Variants in TENM1 observed in about 807,000 individuals in gnomAD.
TENM1 encodes teneurin-1.
TENM1 carries 35 observed loss-of-function variants against 174.8 expected under a neutral mutation model. The ratio of observed to expected loss-of-function variants is 0.20; its 90% confidence interval spans 0.15 to 0.27. TENM1 has a LOEUF of 0.27. Ranked by LOEUF, TENM1 falls within the 10% of genes least tolerant of loss-of-function variation. The pLI is 1.00. For missense variants in TENM1, 1,633 were observed against 2,130.1 expected (o/e 0.77, Z 4.59); for synonymous variants, 781 against 798.7 (o/e 0.98, Z 0.37).
intron 20 of TENM1, among the ~76,000 whole-genome samples, chrX:124,489,066 A>G (rs977862972): frequency 3.6e-5 from 4 of 112,342 alleles, no homozygotes; most frequent in Admixed American, 1.9e-4. Flanking sequence ...ACTTTTCGTT[A>G]AGGATTTAGG....
chrX:124,964,503 G>A (rs755344492), upstream of TENM1, among the ~76,000 whole-genome samples: 12 of 111,448 alleles, frequency 1.1e-4, no homozygotes, highest in Admixed American at 8.6e-4. Flanking sequence ...TACAGCAACA[G>A]CAGGATCTAA....
the TENM1 span, among the ~76,000 whole-genome samples, chrX:125,151,304 A>G: frequency 8.9e-6 from 1 of 112,687 alleles, no homozygotes; most frequent in South Asian, 3.6e-4. Context: ...TGAGGTATTT[A>G]TCCAAAATAG....
chrX:125,136,627 G>A, the TENM1 span, among the ~76,000 whole-genome samples: 1 of 111,354 alleles, frequency 9.0e-6, no homozygotes, highest in East Asian at 2.8e-4. Context: ...CAGAAGTTGT[G>A]TTTGTTTCAG....
At chrX:124,856,024 G>A (rs928987454) in intron 3 of TENM1, among the ~76,000 whole-genome samples, 2 of 109,909 alleles carry the variant, frequency 1.8e-5, no homozygotes, top group African/African-American at 6.6e-5. Flanking sequence ...ACGGTGGTGG[G>A]AGTTTCAGTT....
intron 1 of TENM1, among the ~76,000 whole-genome samples, chrX:124,911,862 T>A (rs767888023): frequency 8.9e-6 from 1 of 111,753 alleles, no homozygotes; most frequent in South Asian, 3.8e-4. Flanking sequence ...TTTACAATTT[T>A]TTTGCATACA....
the TENM1 span, among the ~76,000 whole-genome samples, chrX:125,078,879 T>A: frequency 1.8e-5 from 2 of 111,787 alleles, no homozygotes; most frequent in Admixed American, 1.9e-4. Context: ...TTTGCAGTTA[T>A]GCTGGTCACA....
intron 3 of TENM1, among the ~76,000 whole-genome samples, chrX:124,802,553 G>A (rs1324742812): frequency 9.0e-6 from 1 of 110,842 alleles, no homozygotes; most frequent in Non-Finnish European, 1.9e-5. Flanking sequence ...GGGCTCCCTT[G>A]CCCCATATGG....
In TENM1 at chrX:124,857,381, G is replaced by A. The variant is rs1460052171; in HGVS notation, c.535+36915C>T. On this transcript the variant is annotated intron_variant, in intron 3 of 31. Coordinates refer to ENST00000422452, the Ensembl canonical transcript of TENM1. ...AACTGGTGAATGAACAAACAAATGT[G>A]ATATCTCCACGCAATGAGCCATTAT... Among the ~76,000 whole-genome samples, 3 of 111,458 alleles carry A rather than the reference G, an allele frequency of 2.7e-5. No individual in the cohort carries two copies. The Admixed American group carries it at 2.9e-4, about 11-fold the overall frequency.
intron 5 of TENM1, among the ~76,000 whole-genome samples, chrX:124,689,619 ATGT>A (rs2052465621): frequency 9.0e-6 from 1 of 110,916 alleles, no homozygotes; most frequent in Non-Finnish European, 1.9e-5. Context: ...TAGCTATGTG[ATGT>A]TGTACAAGCT....
At chrX:125,058,234 A>G in the TENM1 span, among the ~76,000 whole-genome samples, 2 of 111,533 alleles carry the variant, frequency 1.8e-5, no homozygotes, top group African/African-American at 6.5e-5. Flanking sequence ...TGGACAAAAA[A>G]AGTTCCATCT....
At chrX:124,909,283 C>T (rs149162033) in intron 1 of TENM1, among the ~76,000 whole-genome samples, 1 of 112,282 alleles carries the variant, frequency 8.9e-6, no homozygotes, top group East Asian at 2.8e-4. Flanking sequence ...TCCTAATGAC[C>T]TCATGCAGCA....
chrX:125,009,097 GTT>G, the TENM1 span, among the ~76,000 whole-genome samples: 30 of 74,084 alleles, frequency 4.0e-4, 1 homozygote, highest in African/African-American at 1.5e-3. Context: ...TCCAGGAGCT[GTT>G]TTTTTTTTTT....
intron 6 of TENM1, 95 bp downstream of exon 9, chrX:124,671,588 T>C: frequency 1.1e-6 from 1 of 902,020 alleles, no homozygotes. Context: ...CAAGTGATCA[T>C]GAAATTTAAT....
chrX:124,606,277 G>C (rs1483158675), intron 11 of TENM1, among the ~76,000 whole-genome samples: 1 of 110,944 alleles, frequency 9.0e-6, no homozygotes, highest in East Asian at 2.8e-4. Flanking sequence ...ATTTGGTGTT[G>C]AGAGAGTTGA....
chrX:124,789,418 C>A lies in TENM1; in HGVS notation c.536-52221G>T, dbSNP rs1357921691. ...TCTGCAGCCAGCTTGAATTTCTCCT[C>A]AGAAAATGGGATTTTCTTTTCTATT... On this transcript the variant is annotated intron_variant, in intron 3 of 31. Coordinates refer to ENST00000422452, the Ensembl canonical transcript of TENM1. 8.1e-5 allele frequency among the ~76,000 whole-genome samples: 9 copies of A among 111,787 alleles called. No homozygotes were observed. The Admixed American group carries it at 8.5e-4, about 11-fold the overall frequency.
the TENM1 span, among the ~76,000 whole-genome samples, chrX:125,050,753 G>A: frequency 1.8e-5 from 2 of 111,629 alleles, no homozygotes; most frequent in South Asian, 3.7e-4. Flanking sequence ...TTCCACAAGG[G>A]TTGAACTAGT....
intron 1 of TENM1, among the ~76,000 whole-genome samples, chrX:124,949,553 CG>C (rs1377245873): frequency 9.0e-6 from 1 of 111,480 alleles, no homozygotes; most frequent in Non-Finnish European, 1.9e-5. Flanking sequence ...CAAGATTGCA[CG>C]GCACCAAGGC....
intron 11 of TENM1, among the ~76,000 whole-genome samples, chrX:124,582,684 C>A (rs2049354791): frequency 8.9e-6 from 1 of 111,759 alleles, no homozygotes. Context: ...ACAGTGGGCG[C>A]AGGACAGTGG....
chrX:124,901,473 GTGTTT>G (rs1418553788), intron 1 of TENM1, among the ~76,000 whole-genome samples: 1 of 111,131 alleles, frequency 9.0e-6, no homozygotes, highest in African/African-American at 3.3e-5. Context: ...TGCCATTTCT[GTGTTT>G]TGTTTTGTTT....
Sources: allele counts gnomAD v4.1 joint callset (sites outside exome capture counted in the v4.1 genomes callset), GRCh38; gene constraint gnomAD v4.1.1; transcripts MANE v1.5; gene names NCBI Gene and HGNC (gene_info 2026-07-23, HGNC 2026-07-21).